ARID4B: variants seen among roughly 807,000 people sequenced by gnomAD.
The protein encoded by ARID4B is AT-rich interaction domain 4B, also known as AT-rich interactive domain-containing protein 4B.
ARID4B carries 26 observed loss-of-function variants against 147.5 expected under a neutral mutation model. The ratio of observed to expected loss-of-function variants is 0.18; its 90% CI spans 0.13 to 0.24. ARID4B has a LOEUF of 0.24. Ranked by LOEUF, ARID4B falls within the 10% of genes least tolerant of loss-of-function variation. ARID4B has a pLI of 1.00. For synonymous variants in ARID4B, 512 were observed against 507.9 expected (o/e 1.01, Z -0.11); for missense variants, 1,179 against 1,511.5 (o/e 0.78, Z 3.65).
intron 19 of ARID4B, among the ~76,000 whole-genome samples, chr1:235,184,596 C>T (rs1664546097): frequency 6.6e-6 from 1 of 152,194 alleles, no homozygotes; most frequent in Non-Finnish European, 1.5e-5. Context: ...TAAAACATAA[C>T]TGACATAACT....
chr1:235,175,123 T>G (rs899201819), intron 22 of ARID4B, 61 bp downstream of exon 22: 11 of 1,471,272 alleles, frequency 7.5e-6, no homozygotes, highest in Non-Finnish European at 1.0e-5. Flanking sequence ...AAAAACAAAA[T>G]AAAACAAAAA....
rs144719957 is a variant in ARID4B, at chr1:235,292,968, T to C, written c.7-32216A>G. Among the ~76,000 whole-genome samples, 401 of 152,314 alleles carry C rather than the reference T, an allele frequency of 2.6e-3. 2 individuals are homozygous for C. The highest frequency in any genetic ancestry group is 0.024 in the Middle Eastern group (7 of 294). On this transcript the variant is annotated intron_variant, in intron 2 of 23. Transcript: ENST00000264183. ...TTGTGGATTCAAATGAATACGTAGATAGCTCTTCTAAGACTCCACAATACA... is the reference window on the plus strand; with the variant it reads ...TTGTGGATTCAAATGAATACGTAGACAGCTCTTCTAAGACTCCACAATACA...
chr1:235,209,003 T>C (rs1011177545), intron 17 of ARID4B, among the ~76,000 whole-genome samples: 2 of 152,178 alleles, frequency 1.3e-5, no homozygotes, highest in African/African-American at 4.8e-5. Flanking sequence ...GTAAGAGTAT[T>C]ATAATATTTG....
At chr1:235,171,035 TTTCA>T (rs1663318924) in intron 23 of ARID4B, among the ~76,000 whole-genome samples, 2 of 151,836 alleles carry the variant, frequency 1.3e-5, no homozygotes, top group Non-Finnish European at 2.9e-5. Flanking sequence ...ATCCTTTTCT[TTTCA>T]AAGTTGAGTA....
At chr1:235,184,494 A>C (rs572147230) in intron 19 of ARID4B, among the ~76,000 whole-genome samples, 1 of 152,358 alleles carries the variant, frequency 6.6e-6, no homozygotes, top group South Asian at 2.1e-4. Flanking sequence ...AAGGTAGTTA[A>C]ATCTAAGTCA....
In ARID4B at chr1:235,219,249, A is replaced by C. The variant is rs141284317; in HGVS notation, c.1583+544T>G. On this transcript the variant is annotated intron_variant, in intron 16 of 23. Transcript: ENST00000264183. ...GTTTATGTTTTTTAAGCCTCAGAAA[A>C]AAGATTCAATGCCAAAGATTATCTA... Among the ~76,000 whole-genome samples, 347 of 152,266 alleles carry C rather than the reference A, an allele frequency of 2.3e-3. 2 individuals are homozygous for C. The Middle Eastern group carries it at 0.024, about 10-fold the overall frequency.
rs554982921 is a variant in ARID4B at position 235,230,301 on chromosome 1, C to T, written c.742+812G>A. Among the ~76,000 whole-genome samples, 5 of 151,854 alleles carry T rather than the reference C, an allele frequency of 3.3e-5. No individual in the cohort carries two copies. The South Asian group carries it at 8.3e-4, about 25-fold the overall frequency. ...TAGTGGTGGGCCCCTATAGTCCCAG[C>T]TACTTGGGAGACTGAGGCAGGACAA... is the stretch of plus-strand genomic sequence containing the variant. On this transcript the variant is annotated intron_variant, in intron 10 of 23. Coordinates refer to ENST00000264183, the MANE Select transcript of ARID4B (RefSeq NM_016374.6).
intron 6 of ARID4B, among the ~76,000 whole-genome samples, chr1:235,250,390 G>T (rs774906802): frequency 8.5e-5 from 13 of 152,116 alleles, no homozygotes; most frequent in Non-Finnish European, 1.5e-4. Context: ...AAAGAGAAAA[G>T]AACATACAGA....
At chr1:235,191,590 T>G (rs908128672) in intron 19 of ARID4B, among the ~76,000 whole-genome samples, 1 of 152,100 alleles carries the variant, frequency 6.6e-6, no homozygotes, top group African/African-American at 2.4e-5. Flanking sequence ...AGTGGACCCC[T>G]AGGTTTATCA....
intron 19 of ARID4B, among the ~76,000 whole-genome samples, chr1:235,183,397 A>C (rs1425317085): frequency 1.3e-5 from 2 of 152,076 alleles, no homozygotes; most frequent in Non-Finnish European, 2.9e-5. Context: ...TTTAGTAGAC[A>C]CGGGGTTTCA....
At chr1:235,240,992 G>T (rs867228250) in intron 7 of ARID4B, among the ~76,000 whole-genome samples, 8 of 152,122 alleles carry the variant, frequency 5.3e-5, no homozygotes, top group Non-Finnish European at 1.0e-4. Context: ...AGCCTCTTTT[G>T]TATGATGCTA....
intron 17 of ARID4B, among the ~76,000 whole-genome samples, chr1:235,202,457 C>G (rs980103227): frequency 1.3e-5 from 2 of 149,164 alleles, no homozygotes; most frequent in African/African-American, 2.5e-5. Context: ...ATTCAACTAA[C>G]AAAACATAAA....
chr1:235,201,639 A>C (rs1177031326), intron 17 of ARID4B, among the ~76,000 whole-genome samples: 1 of 152,162 alleles, frequency 6.6e-6, no homozygotes, highest in Admixed American at 6.6e-5. Context: ...CAATAATCTT[A>C]GTAAGTAAGT....
chr1:235,306,817 G>A (rs925880566), intron 2 of ARID4B, among the ~76,000 whole-genome samples: 5 of 151,924 alleles, frequency 3.3e-5, no homozygotes, highest in African/African-American at 7.3e-5. Flanking sequence ...CACCACACCC[G>A]GCTAATTTTT....
At chr1:235,296,398 A>T (rs1322819617) in intron 2 of ARID4B, 2 of 152,184 alleles carry the variant, frequency 1.3e-5, no homozygotes, top group East Asian at 3.8e-4. Context: ...AAATAAATAA[A>T]TCATAAAATA....
At chr1:235,208,110 C>A (rs751069494) in intron 17 of ARID4B, among the ~76,000 whole-genome samples, 1 of 152,096 alleles carries the variant, frequency 6.6e-6, no homozygotes, top group Non-Finnish European at 1.5e-5. Flanking sequence ...TGGAAATGAG[C>A]GAGAAAATTC....
At chr1:235,318,332 C>T (rs1674584550) in intron 2 of ARID4B, among the ~76,000 whole-genome samples, 1 of 151,912 alleles carries the variant, frequency 6.6e-6, no homozygotes, top group African/African-American at 2.4e-5. Flanking sequence ...CCCACCACCA[C>T]ACCCGGCTAA....
intron 23 of ARID4B, among the ~76,000 whole-genome samples, chr1:235,170,691 T>C (rs868513616): frequency 4.0e-5 from 6 of 151,776 alleles, no homozygotes; most frequent in Admixed American, 2.0e-4. Context: ...TGAGCCAAGA[T>C]TGCACCACTA....
intron 2 of ARID4B, among the ~76,000 whole-genome samples, chr1:235,277,549 A>ATAATAAT (rs542084094): frequency 4.2e-5 from 6 of 144,046 alleles, no homozygotes; most frequent in Non-Finnish European, 6.0e-5. Context: ...AAAAAAAAAA[A>ATAATAAT]AATAATAATA....
Sources: gnomAD v4.1 joint callset for allele counts (sites outside exome capture counted in the v4.1 genomes callset) on GRCh38, gnomAD v4.1.1 for gene constraint, MANE v1.5 for transcripts, NCBI Gene and HGNC (gene_info 2026-07-23, HGNC 2026-07-21) for gene names.